FOXRED2: variants seen among roughly 807,000 people sequenced by gnomAD.
FOXRED2 encodes the protein FAD-dependent oxidoreductase domain-containing protein 2.
In FOXRED2, 32 loss-of-function variants were observed where a neutral mutation model predicts 52.5. That is an observed-to-expected ratio of 0.61 (90% CI 0.46 to 0.82). The LOEUF (loss-of-function observed/expected upper bound fraction) is 0.82, where lower values mean the gene tolerates loss of function less well. Among genes scored for constraint, FOXRED2 ranks in the 40% least tolerant of loss-of-function variants. The pLI is 0.00. For synonymous variants in FOXRED2, 405 were observed against 398.1 expected (o/e 1.02, Z -0.21); for missense variants, 848 against 937.5 (o/e 0.90, Z 1.25).
In FOXRED2 at chr22:36,504,632, C is replaced by T. The variant is rs144857776; in HGVS notation, c.662G>A (p.Arg221His). The part of the protein sequence containing the change: ...FVGQNVLILG[R>H]GNSAFETAEN... Reference sequence around the variant, plus strand: ...TGCTGTCTCAAAGGCCGAGTTCCCACGACCCAGGATCAGCACATTCTGGCC... The same window carrying T: ...TGCTGTCTCAAAGGCCGAGTTCCCATGACCCAGGATCAGCACATTCTGGCC... The change falls in exon 3 of 9, where the codon CGT becomes CAT. Residue 221 changes from arginine (R) to histidine (H), a missense_variant. Coordinates refer to ENST00000397224, the MANE Select transcript of FOXRED2 (RefSeq NM_001102371.2). The T allele has an allele frequency of 5.9e-4, 947 of 1,614,186 alleles. 4 individuals carry two copies. The African/African-American group carries it at 0.011, about 19-fold the overall frequency.
rs2145845732 is a variant in FOXRED2, at chr22:36,496,142, G to T, written c.1449C>A (p.Leu483=). 1.9e-6 allele frequency: 3 copies of T among 1,614,178 alleles called. No individual in the cohort carries two copies. The East Asian group carries it at 6.7e-5, about 36-fold the overall frequency. The change falls in exon 7 of 9, where the codon CTC becomes CTA. Residue 483 remains leucine (L), a synonymous_variant. Coordinates refer to ENST00000397224, the MANE Select transcript of FOXRED2 (RefSeq NM_001102371.2). ...PIQMLAQLET[L]TGRKAKHGLF... is the part of the protein sequence containing the mutation. Reference sequence around the variant, plus strand: ...GCCCGTGCTTTGCCTTCCTCCCTGTGAGTGTCTCCAGCTGGGCCAGCATCT... The same window carrying T: ...GCCCGTGCTTTGCCTTCCTCCCTGTTAGTGTCTCCAGCTGGGCCAGCATCT...
intron 7 of FOXRED2, among the ~76,000 whole-genome samples, chr22:36,494,788 C>T (rs944177791): frequency 3.3e-5 from 5 of 151,210 alleles, no homozygotes; most frequent in Admixed American, 1.3e-4. Context: ...TACAGGCGCA[C>T]GCCACCACGC....
intron 4 of FOXRED2, among the ~76,000 whole-genome samples, chr22:36,503,199 G>A (rs1934100790): frequency 6.6e-6 from 1 of 151,824 alleles, no homozygotes; most frequent in Non-Finnish European, 1.5e-5. Flanking sequence ...ATGTTGTCCA[G>A]GCTAGTCTTG....
chr22:36,506,214 G>A lies in FOXRED2; in HGVS notation c.209C>T (p.Thr70Ile). ...GAGCTTGCGGTGCCGCGGGTAGCGT[G>A]TGAAGAAGCTGCCGGGCCGCGGGGC... Reference protein sequence around the residue: ...ERAPRPGSFFTRYPRHRKLIS... With the variant: ...ERAPRPGSFFIRYPRHRKLIS... Residue 70 changes from threonine to isoleucine, a missense_variant, in exon 2 of 9, where the codon ACA becomes ATA. Thr to Ile is a moderately conservative substitution (Grantham distance 89, BLOSUM62 -1). Coordinates refer to ENST00000397224, the MANE Select transcript of FOXRED2 (RefSeq NM_001102371.2). 1 of 1,614,098 alleles carries A rather than the reference G, an allele frequency of 6.2e-7. No homozygotes were observed. Among genetic ancestry groups the A allele is most frequent in the Non-Finnish European group, 8.5e-7 (1 of 1,179,980 alleles).
Position 36,506,442 on chromosome 22 carries a change from G to C in FOXRED2, c.-1-19C>G, listed in dbSNP as rs1487000688. 34 of 1,426,070 alleles carry C rather than the reference G, an allele frequency of 2.4e-5. No homozygotes were observed. Among genetic ancestry groups the C allele is most frequent in the Middle Eastern group, 2.6e-4 (1 of 3,866 alleles). The allele number at this position is 1,426,070 out of a possible 1,614,324, so 88.3% of individuals were successfully genotyped here. A position where few individuals can be genotyped will look rare whatever the true frequency, so the allele number is the denominator to read the frequency against. On this transcript the variant is annotated intron_variant, in intron 1 of 8. Transcript: ENST00000397224. ...GCCCATCCTGCAGCAGATCAGAGGG[G>C]TAAGGCCTCGCACCCGGCCCGGCGG...
In FOXRED2 at chr22:36,506,416, G is replaced by A. The variant is rs747374837; in HGVS notation, c.7C>T (p.Leu3Phe). MG[L>F]SAAAPLWGPP... ...CCCCACAACGGGGCCGCAGCGGAGAGGCCCATCCTGCAGCAGATCAGAGGG... is the reference window on the plus strand; with the variant it reads ...CCCCACAACGGGGCCGCAGCGGAGAAGCCCATCCTGCAGCAGATCAGAGGG... Residue 3 changes from leucine (L) to phenylalanine (F), a missense_variant, in exon 2 of 9, where the codon CTC (leucine) becomes TTC (phenylalanine). Physicochemically the swap from Leu to Phe is conservative, Grantham distance 22. Transcript: ENST00000397224. The A allele has an allele frequency of 2.2e-5, 31 of 1,434,948 alleles. No individual in the cohort carries two copies. Among genetic ancestry groups the A allele is most frequent in the East Asian group, 5.0e-5 (2 of 39,888 alleles). The allele number at this position is 1,434,948 out of a possible 1,614,324, so 88.9% of individuals were successfully genotyped here. A position where few individuals can be genotyped will look rare whatever the true frequency, so the allele number is the denominator to read the frequency against.
rs1461839216 is a variant in FOXRED2 at position 36,496,070 on chromosome 22, G to C, written c.1521C>G (p.Asp507Glu). 4.3e-6 allele frequency: 7 copies of C among 1,614,248 alleles called. No individual in the cohort carries two copies. Among genetic ancestry groups the C allele is most frequent in the Non-Finnish European group, 4.2e-6 (5 of 1,180,052 alleles). Residue 507 changes from aspartate (D) to glutamate (E), a missense_variant, in exon 7 of 9, where the codon GAC becomes GAG. Transcript: ENST00000397224. The stretch of plus-strand genomic sequence containing the variant: ...ACCGGTCATCAAAGAAGACGTCCTT[G>C]TCGGGGCCAGAGAAATTTCTGCCAT... ...MEYGRNFSGP[D>E]KDVFFDDRSV... is the part of the protein sequence containing the mutation.
rs1457205312 is a variant in FOXRED2, at chr22:36,489,441, T to C, written c.*567A>G. Reference sequence around the variant, plus strand: ...AAATGGGGCGGGGAGGTTGAGGCAGTGTGTGGCAAGTGACACAGACGGGGA... The same window carrying C: ...AAATGGGGCGGGGAGGTTGAGGCAGCGTGTGGCAAGTGACACAGACGGGGA... On this transcript the variant is annotated 3_prime_UTR_variant, in exon 9 of 9. Coordinates refer to ENST00000397224, the MANE Select transcript of FOXRED2 (RefSeq NM_001102371.2). The C allele has an allele frequency of 6.6e-6, 1 of 152,200 alleles. No individual in the cohort carries two copies. The highest frequency in any genetic ancestry group is 1.9e-4 in the East Asian group (1 of 5,200). 9.4% of individuals were successfully genotyped at this position (152,200 alleles called of 1,614,324 possible).
Position 36,506,300 on chromosome 22 carries a change from C to T in FOXRED2, c.123G>A (p.Ala41=). The part of the protein sequence containing the change: ...RDYCVLGAGP[A]GLQMAYFLQR... ...GCAGGAAGTAGGCCATCTGCAGGCC[C>T]GCGGGCCCAGCGCCCAGCACGCAGT... The change falls in exon 2 of 9, where the codon GCG becomes GCA. Residue 41 remains alanine (A), a synonymous_variant. Transcript: ENST00000397224. 1.3e-6 allele frequency: 2 copies of T among 1,575,118 alleles called. No homozygotes were observed. Among genetic ancestry groups the T allele is most frequent in the Non-Finnish European group, 8.6e-7 (1 of 1,162,688 alleles).
rs780976268 is a variant in FOXRED2, at chr22:36,496,224, C to A, written c.1383-16G>T. Reference sequence around the variant, plus strand: ...CGTGGAATTCCTGGGAGAACAGCAACGCGGGGGAGGCCCTCAGTGCTGTGG... The same window carrying A: ...CGTGGAATTCCTGGGAGAACAGCAAAGCGGGGGAGGCCCTCAGTGCTGTGG... On this transcript the variant is annotated splice_polypyrimidine_tract_variant and intron_variant, in intron 6 of 8. Coordinates refer to ENST00000397224, the MANE Select transcript of FOXRED2 (RefSeq NM_001102371.2). 1 of 1,612,558 alleles carries A rather than the reference C, an allele frequency of 6.2e-7. No homozygotes were observed. The highest frequency in any genetic ancestry group is 1.7e-5 in the Admixed American group (1 of 59,992).
At position 36,496,136 on chromosome 22, in the gene FOXRED2, C is replaced by G. The variant is rs760954853; in HGVS notation, c.1455G>C (p.Gly485=). The G allele has an allele frequency of 6.2e-7, 1 of 1,614,208 alleles. No individual in the cohort carries two copies. Among genetic ancestry groups the G allele is most frequent in the South Asian group, 1.1e-5 (1 of 91,082 alleles). ...CGAAGAGCCCGTGCTTTGCCTTCCTCCCTGTGAGTGTCTCCAGCTGGGCCA... is the reference window on the plus strand; with the variant it reads ...CGAAGAGCCCGTGCTTTGCCTTCCTGCCTGTGAGTGTCTCCAGCTGGGCCA... The part of the protein sequence containing the change: ...QMLAQLETLT[G]RKAKHGLFVI... The change falls in exon 7 of 9, where the codon GGG becomes GGC. Residue 485 remains glycine, a synonymous_variant. Transcript: ENST00000397224.
At position 36,498,116 on chromosome 22, in the gene FOXRED2, G is replaced by T; in HGVS notation, c.1257C>A (p.Ser419Arg). Residue 419 changes from serine (S) to arginine (R), a missense_variant, in exon 6 of 9, where the codon AGC becomes AGA. Coordinates refer to ENST00000397224, the MANE Select transcript of FOXRED2 (RefSeq NM_001102371.2). ...GGAGCTCAGTGGCGGGCCAGGTGAC[G>T]CTGTGGTGGCGGTGCTCCAGGAGCC... ...VHRLLEHRHH[S>R]VTWPATELPI... The T allele has an allele frequency of 6.2e-7, 1 of 1,612,698 alleles. No homozygotes were observed. The highest frequency in any genetic ancestry group is 8.5e-7 in the Non-Finnish European group (1 of 1,179,958).
chr22:36,498,907 C>A (rs1223921709), intron 5 of FOXRED2, among the ~76,000 whole-genome samples: 1 of 151,336 alleles, frequency 6.6e-6, no homozygotes, highest in Non-Finnish European at 1.5e-5. Context: ...GTCCTCTAAC[C>A]TGGAATAAAG....
chr22:36,496,588 C>T (rs371601066), intron 6 of FOXRED2, among the ~76,000 whole-genome samples: 1 of 152,224 alleles, frequency 6.6e-6, no homozygotes, highest in Non-Finnish European at 1.5e-5. Flanking sequence ...TCAAGGAGGG[C>T]TGCGCCTCCC....
rs116551501 is a variant in FOXRED2 at position 36,490,340 on chromosome 22, C to T, written c.1796-73G>A. ...GGAGGGGTGCAGAAAGGGGAGCTGC[C>T]AATGCCAGGTGTGGGGGCTTCACTG... On this transcript the variant is annotated intron_variant, in intron 8 of 8. Transcript: ENST00000397224. 6.0e-4 allele frequency: 892 copies of T among 1,483,650 alleles called. 4 individuals are homozygous for T. The African/African-American group carries it at 0.011, about 19-fold the overall frequency. 91.9% of individuals were successfully genotyped at this position (1,483,650 alleles called of 1,614,324 possible).
At chr22:36,501,531 G>C in intron 4 of FOXRED2, 124 bp from the exon 5 acceptor site, 1 of 889,804 alleles carries the variant, frequency 1.1e-6, no homozygotes, top group South Asian at 1.6e-5. Context: ...CGTGATCTCG[G>C]CTCACTGCAA....
In FOXRED2 at chr22:36,504,371, A is replaced by G. The variant is rs994901970; in HGVS notation, c.780-4T>C. On this transcript the variant is annotated splice_region_variant and splice_polypyrimidine_tract_variant and intron_variant, in intron 3 of 8. Transcript: ENST00000397224. ...CAGCAGGCCATTGTTGATGGCTCTG[A>G]GCCCACAGAGAATGCAGGGGAGAGA... is the stretch of plus-strand genomic sequence containing the variant. The G allele has an allele frequency of 1.2e-6, 2 of 1,613,596 alleles. No homozygotes were observed. Among genetic ancestry groups the G allele is most frequent in the African/African-American group, 1.3e-5 (1 of 74,950 alleles).
chr22:36,501,254 T>C lies in FOXRED2; in HGVS notation c.1203A>G (p.Gly401=), dbSNP rs1934033777. ...YRKSAGGFIH[G]FRYTVRAVHR... ...AGCTGGGCTCACCTGTGTATCGGAA[T>C]CCGTGGATGAAGCCCCCAGCAGATT... The change falls in exon 5 of 9, where the codon GGA becomes GGG. Residue 401 remains glycine (G), a synonymous_variant. Coordinates refer to ENST00000397224, the MANE Select transcript of FOXRED2 (RefSeq NM_001102371.2). 1 of 1,614,004 alleles carries C rather than the reference T, an allele frequency of 6.2e-7. No individual in the cohort carries two copies. The highest frequency in any genetic ancestry group is 8.5e-7 in the Non-Finnish European group (1 of 1,179,996).
chr22:36,497,986 C>T lies in FOXRED2; in HGVS notation c.1382+5G>A. Reference sequence around the variant, plus strand: ...AGGGGAGTAGGGTGGGGACGGGCTACTCACTCCTTCAACAGGATGACATCG... The same window carrying T: ...AGGGGAGTAGGGTGGGGACGGGCTATTCACTCCTTCAACAGGATGACATCG... On this transcript the variant is annotated splice_donor_5th_base_variant and intron_variant, in intron 6 of 8. Transcript: ENST00000397224. The T allele has an allele frequency of 6.2e-7, 1 of 1,612,852 alleles. No individual in the cohort carries two copies. Among genetic ancestry groups the T allele is most frequent in the Non-Finnish European group, 8.5e-7 (1 of 1,179,204 alleles).
Sources: gnomAD v4.1 joint callset for allele counts (sites outside exome capture counted in the v4.1 genomes callset) on GRCh38, gnomAD v4.1.1 for gene constraint, MANE v1.5 for transcripts, NCBI Gene and HGNC (gene_info 2026-07-23, HGNC 2026-07-21) for gene names.